The following CSMD2 variants were observed in gnomAD, a reference collection of about 807,000 sequenced individuals.
CSMD2 encodes the protein CUB and Sushi multiple domains 2.
A neutral mutation model predicts 398.5 loss-of-function variants in CSMD2; 130 were observed. The ratio of observed to expected loss-of-function variants is 0.33; its 90% CI spans 0.28 to 0.38. CSMD2 has a LOEUF of 0.38. Among genes scored for constraint, CSMD2 ranks in the 10% least tolerant of loss-of-function variants. The pLI, the probability that CSMD2 is intolerant of heterozygous loss-of-function variation, is 1.00. For synonymous variants in CSMD2, 1,828 were observed against 1,908.5 expected, an observed-to-expected ratio of 0.96 and a Z score of 1.10; for missense variants, 3,829 against 4,764.9, an observed-to-expected ratio of 0.80 and a Z score of 5.78.
intron 3 of CSMD2, among the ~76,000 whole-genome samples, chr1:34,031,300 T>C (rs1245399776): frequency 6.6e-6 from 1 of 152,046 alleles, no homozygotes. Flanking sequence ...TGGCCTCAAG[T>C]GATTCACTCG....
At chr1:33,896,914 G>A (rs1015489522) in intron 5 of CSMD2, among the ~76,000 whole-genome samples, 11 of 152,020 alleles carry the variant, frequency 7.2e-5, no homozygotes, top group East Asian at 5.8e-4. Context: ...GGAAGAGCAC[G>A]CGTGGCATCT....
intron 2 of CSMD2, among the ~76,000 whole-genome samples, chr1:34,088,057 G>C (rs1658115319): frequency 6.6e-6 from 1 of 152,228 alleles, no homozygotes; most frequent in Non-Finnish European, 1.5e-5. Context: ...TGAAGACTGT[G>C]CAGTAAATGT....
chr1:34,049,874 GT>G (rs1652980073), intron 2 of CSMD2, among the ~76,000 whole-genome samples: 1 of 152,166 alleles, frequency 6.6e-6, no homozygotes, highest in Non-Finnish European at 1.5e-5. Flanking sequence ...TCGGGAGGTA[GT>G]TAGGATTAGA....
At chr1:33,652,049 G>T (rs538948679) in intron 28 of CSMD2, among the ~76,000 whole-genome samples, 1 of 152,254 alleles carries the variant, frequency 6.6e-6, no homozygotes, top group Admixed American at 6.5e-5. Flanking sequence ...CTCCTTTCCA[G>T]GTCCCAGTAT....
At chr1:33,814,511 T>C (rs978356753) in intron 9 of CSMD2, among the ~76,000 whole-genome samples, 2 of 152,346 alleles carry the variant, frequency 1.3e-5, no homozygotes, top group African/African-American at 4.8e-5. Context: ...GACTTTGGCT[T>C]TCTCTTTGGA....
intron 25 of CSMD2, among the ~76,000 whole-genome samples, chr1:33,681,373 C>T (rs901467989): frequency 6.6e-6 from 1 of 152,016 alleles, no homozygotes; most frequent in African/African-American, 2.4e-5. Flanking sequence ...TACTCCTAAA[C>T]TTGTATTTTC....
chr1:33,726,469 C>A (rs1646533256), intron 16 of CSMD2, 78 bp downstream of exon 16: 1 of 1,491,640 alleles, frequency 6.7e-7, no homozygotes, highest in Non-Finnish European at 9.1e-7. Flanking sequence ...GGTCCCCTAT[C>A]CACCCTGCAT....
At chr1:33,538,331 T>A (rs1382133826) in intron 60 of CSMD2, among the ~76,000 whole-genome samples, 1 of 152,190 alleles carries the variant, frequency 6.6e-6, no homozygotes, top group Non-Finnish European at 1.5e-5. Flanking sequence ...TACACTGCGG[T>A]GGGTAGTGCA....
chr1:33,665,136 G>A (rs1644266366), intron 25 of CSMD2, among the ~76,000 whole-genome samples: 1 of 152,094 alleles, frequency 6.6e-6, no homozygotes, highest in African/African-American at 2.4e-5. Flanking sequence ...ATTGATGGAT[G>A]CAAACTTTTG....
At chr1:34,110,331 A>T (rs1420029939) in intron 1 of CSMD2, among the ~76,000 whole-genome samples, 1 of 152,158 alleles carries the variant, frequency 6.6e-6, no homozygotes, top group African/African-American at 2.4e-5. Flanking sequence ...CAACCCAGCA[A>T]TCCCATTACT....
chr1:34,027,157 T>G (rs1461426032), intron 3 of CSMD2, among the ~76,000 whole-genome samples: 2 of 152,168 alleles, frequency 1.3e-5, no homozygotes, highest in African/African-American at 4.8e-5. Context: ...ATCCTTAATA[T>G]GCAAAAAGCA....
chr1:34,145,212 C>T lies in CSMD2; in HGVS notation c.187+19699G>A, dbSNP rs953409765. Among the ~76,000 whole-genome samples, 4 of 152,206 alleles carry T rather than the reference C, an allele frequency of 2.6e-5. No individual in the cohort carries two copies. The South Asian group carries it at 6.2e-4, about 24-fold the overall frequency. Reference sequence around the variant, plus strand: ...ATGAGGTCCTAAGAAGATGCCTTTTCCCAGGGCCAAAGAACAGAACCACCC... The same window carrying T: ...ATGAGGTCCTAAGAAGATGCCTTTTTCCAGGGCCAAAGAACAGAACCACCC... On this transcript the variant is annotated intron_variant, in intron 1 of 70. Coordinates refer to ENST00000373381, the MANE Select transcript of CSMD2 (RefSeq NM_001281956.2).
intron 3 of CSMD2, among the ~76,000 whole-genome samples, chr1:34,028,841 A>G (rs1451926581): frequency 6.6e-6 from 1 of 152,170 alleles, no homozygotes; most frequent in East Asian, 1.9e-4. Context: ...GGGATTACAA[A>G]CCAAGCACCT....
At chr1:33,674,171 G>C (rs547018767) in intron 25 of CSMD2, among the ~76,000 whole-genome samples, 3 of 151,686 alleles carry the variant, frequency 2.0e-5, no homozygotes, top group Admixed American at 2.0e-4. Context: ...TGGCAAATTG[G>C]ATAGAGTCAA....
intron 1 of CSMD2, among the ~76,000 whole-genome samples, chr1:34,101,367 T>C (rs565342651): frequency 6.6e-6 from 1 of 152,236 alleles, no homozygotes; most frequent in Non-Finnish European, 1.5e-5. Flanking sequence ...TTGGATGATT[T>C]GGATGATTTC....
intron 9 of CSMD2, among the ~76,000 whole-genome samples, chr1:33,818,500 T>A (rs759691511): frequency 6.6e-6 from 1 of 152,324 alleles, no homozygotes; most frequent in South Asian, 2.1e-4. Flanking sequence ...GTAGGATACA[T>A]ACTATTAGCA....
intron 1 of CSMD2, among the ~76,000 whole-genome samples, chr1:34,121,779 C>T (rs778636881): frequency 9.9e-5 from 15 of 152,084 alleles, no homozygotes; most frequent in Non-Finnish European, 1.6e-4. Context: ...AGGGGCTCTT[C>T]CAAGGTCGCT....
intron 1 of CSMD2, among the ~76,000 whole-genome samples, chr1:34,092,074 T>C (rs565256229): frequency 3.3e-5 from 5 of 152,338 alleles, no homozygotes; most frequent in African/African-American, 1.2e-4. Context: ...CATTCCTATA[T>C]GTCAATGACA....
At chr1:33,927,171 T>G (rs975553357) in intron 4 of CSMD2, among the ~76,000 whole-genome samples, 1 of 152,202 alleles carries the variant, frequency 6.6e-6, no homozygotes, top group Non-Finnish European at 1.5e-5. Context: ...TTGTGGTGAA[T>G]GGTTTCGTGT....
Sources: allele counts gnomAD v4.1 joint callset (sites outside exome capture counted in the v4.1 genomes callset), GRCh38; gene constraint gnomAD v4.1.1; transcripts MANE v1.5; gene names NCBI Gene and HGNC (gene_info 2026-07-23, HGNC 2026-07-21).